PIP4K2A: variants seen among roughly 807,000 people sequenced by gnomAD.
The protein encoded by PIP4K2A is phosphatidylinositol 5-phosphate 4-kinase type-2 alpha.
A neutral mutation model predicts 42.9 loss-of-function variants in PIP4K2A; 14 were observed. The ratio of observed to expected loss-of-function variants is 0.33; its 90% CI spans 0.22 to 0.51. PIP4K2A has a LOEUF of 0.51. Ranked by LOEUF, PIP4K2A falls within the 20% of genes least tolerant of loss-of-function variation. The pLI, the probability that PIP4K2A is intolerant of heterozygous loss-of-function variation, is 0.97. For missense variants in PIP4K2A, 434 were observed against 519.8 expected, an observed-to-expected ratio of 0.83 and a Z score of 1.61; for synonymous variants, 192 against 192.2, an observed-to-expected ratio of 1.00 and a Z score of 0.01.
chr10:22,706,627 G>A (rs556829745), intron 1 of PIP4K2A, among the ~76,000 whole-genome samples: 6 of 152,300 alleles, frequency 3.9e-5, no homozygotes, highest in African/African-American at 1.2e-4. Context: ...TTGAGAGCAA[G>A]GTCCACAATA....
chr10:22,557,831 A>C (rs76659795), intron 6 of PIP4K2A, among the ~76,000 whole-genome samples: 3 of 152,216 alleles, frequency 2.0e-5, no homozygotes, highest in Non-Finnish European at 4.4e-5. Flanking sequence ...CCTAAAATGC[A>C]CAGAGCCAAA....
chr10:22,648,813 A>T (rs1271650979), intron 1 of PIP4K2A, among the ~76,000 whole-genome samples: 2 of 152,232 alleles, frequency 1.3e-5, no homozygotes, highest in Admixed American at 6.5e-5. Context: ...TCTTTAAGAG[A>T]TCAATTTGGC....
intron 4 of PIP4K2A, 121 bp downstream of exon 4, chr10:22,591,508 T>C (rs1223405829): frequency 1.3e-6 from 1 of 749,048 alleles, no homozygotes; most frequent in Non-Finnish European, 2.1e-6. Flanking sequence ...TTAGAGGAGA[T>C]GTTTATGTGA....
At chr10:22,611,555 C>G (rs1404741393) in intron 1 of PIP4K2A, among the ~76,000 whole-genome samples, 2 of 152,040 alleles carry the variant, frequency 1.3e-5, no homozygotes, top group East Asian at 1.9e-4. Flanking sequence ...AGAGAAAAGG[C>G]AAACACAACA....
At chr10:22,625,963 G>A (rs1218870406) in intron 1 of PIP4K2A, among the ~76,000 whole-genome samples, 1 of 152,020 alleles carries the variant, frequency 6.6e-6, no homozygotes, top group East Asian at 1.9e-4. Context: ...TCTGATAAAG[G>A]CCTGTGCTTA....
At chr10:22,707,207 T>C (rs760877131) in intron 1 of PIP4K2A, among the ~76,000 whole-genome samples, 1 of 152,212 alleles carries the variant, frequency 6.6e-6, no homozygotes, top group Non-Finnish European at 1.5e-5. Context: ...TATGAATTGA[T>C]TTAATCCATA....
At position 22,542,013 on chromosome 10, in the gene PIP4K2A, A is replaced by T. The variant is rs760942026; in HGVS notation, c.827T>A (p.Leu276Gln). Residue 276 changes from leucine to glutamine, a missense_variant, in exon 8 of 10, where the codon CTG becomes CAG. Leu to Gln is a moderately radical substitution (Grantham distance 113, BLOSUM62 -2). Coordinates refer to ENST00000376573, the MANE Select transcript of PIP4K2A (RefSeq NM_005028.5). ...LAQLKLMDYSLLVGIHDVERA... is the reference protein window; with the variant it reads ...LAQLKLMDYSQLVGIHDVERA... The stretch of plus-strand genomic sequence containing the variant: ...CTCCACATCATGAATTCCCACCAGC[A>T]GACTGTAGTCCATGAGCTTCAGCTG... 6.2e-7 allele frequency: 1 copy of T among 1,613,228 alleles called. No homozygotes were observed. Among genetic ancestry groups the T allele is most frequent in the Non-Finnish European group, 8.5e-7 (1 of 1,179,498 alleles).
At chr10:22,687,327 G>A (rs1379748997) in intron 1 of PIP4K2A, among the ~76,000 whole-genome samples, 1 of 152,082 alleles carries the variant, frequency 6.6e-6, no homozygotes, top group African/African-American at 2.4e-5. Context: ...AAAAGGTCAG[G>A]TATGCATTTA....
intron 8 of PIP4K2A, among the ~76,000 whole-genome samples, chr10:22,541,058 T>G (rs1836096408): frequency 6.6e-6 from 1 of 152,254 alleles, no homozygotes; most frequent in Admixed American, 6.5e-5. Context: ...AAGCTGTTTT[T>G]ATCCTATCAC....
intron 1 of PIP4K2A, among the ~76,000 whole-genome samples, chr10:22,651,458 C>A (rs183117325): frequency 1.3e-5 from 2 of 152,298 alleles, no homozygotes; most frequent in Non-Finnish European, 2.9e-5. Context: ...TCTGTTCTCC[C>A]AGCGAGCCTG....
chr10:22,714,199 C>A lies in PIP4K2A; in HGVS notation c.128G>T (p.Trp43Leu), dbSNP rs184663145. Reference protein sequence around the residue: ...ASDPLLSVLMWGVNHSINELS... With the variant: ...ASDPLLSVLMLGVNHSINELS... ...AGCCCTTACCGAGTGGTTTACCCCC[C>A]ACATGAGGACGCTGAGCAGCGGGTC... The change falls in exon 1 of 10, where the codon TGG (tryptophan) becomes TTG (leucine). Residue 43 changes from tryptophan (W) to leucine (L), a missense_variant. By Grantham distance (61) the Trp-to-Leu change is moderately conservative. Around this residue, in one of 2 missense-constraint regions of PIP4K2A, gnomAD observed 395 missense variants for 444.5 expected, o/e 0.89. Transcript: ENST00000376573. 2.0e-5 allele frequency: 32 copies of A among 1,610,560 alleles called. No homozygotes were observed. The highest frequency in any genetic ancestry group is 6.7e-5 in the Admixed American group (4 of 59,762).
chr10:22,644,135 C>A (rs1028759987), intron 1 of PIP4K2A, among the ~76,000 whole-genome samples: 10 of 152,158 alleles, frequency 6.6e-5, no homozygotes, highest in Non-Finnish European at 1.3e-4. Context: ...CTCCTGCTCA[C>A]CCCTCCCTCT....
At chr10:22,682,991 G>C (rs1415018965) in intron 1 of PIP4K2A, among the ~76,000 whole-genome samples, 1 of 151,972 alleles carries the variant, frequency 6.6e-6, no homozygotes, top group Non-Finnish European at 1.5e-5. Flanking sequence ...CAACAAGACT[G>C]ATCTTTCAGA....
chr10:22,660,851 T>G (rs1300307143), intron 1 of PIP4K2A, among the ~76,000 whole-genome samples: 5 of 150,400 alleles, frequency 3.3e-5, no homozygotes, highest in Admixed American at 6.6e-5. Context: ...ACTACAATGG[T>G]GGATACCTGT....
At chr10:22,568,940 T>C in intron 5 of PIP4K2A, 1 of 1,229,360 alleles carries the variant, frequency 8.1e-7, no homozygotes, top group Non-Finnish European at 1.2e-6. Flanking sequence ...AGCCACTTGC[T>C]TCTTTACCAC....
chr10:22,602,394 TA>T (rs71395805), intron 3 of PIP4K2A, among the ~76,000 whole-genome samples: 12,877 of 101,152 alleles, frequency 0.13, 1,529 homozygotes, highest in African/African-American at 0.34. Flanking sequence ...ACTCTGTCTA[TA>T]AAAAAAAAAA....
At chr10:22,582,891 T>A (rs1421994306) in intron 4 of PIP4K2A, among the ~76,000 whole-genome samples, 56 of 118,604 alleles carry the variant, frequency 4.7e-4, no homozygotes, top group African/African-American at 8.7e-4. Flanking sequence ...CGTCTTGAAG[T>A]AAAAAAAAAA....
At chr10:22,546,003 G>C (rs1164910024) in intron 7 of PIP4K2A, among the ~76,000 whole-genome samples, 1 of 152,174 alleles carries the variant, frequency 6.6e-6, no homozygotes, top group Non-Finnish European at 1.5e-5. Flanking sequence ...TCAAGTCTCT[G>C]AGACTGAGGT....
intron 4 of PIP4K2A, among the ~76,000 whole-genome samples, chr10:22,588,472 G>T (rs557182004): frequency 6.6e-6 from 1 of 152,258 alleles, no homozygotes; most frequent in Non-Finnish European, 1.5e-5. Flanking sequence ...AAGCATGCTG[G>T]TCATCTTGGC....
Sources: allele counts gnomAD v4.1 joint callset (sites outside exome capture counted in the v4.1 genomes callset), GRCh38; gene constraint gnomAD v4.1.1; regional missense constraint gnomAD v4.1.1; transcripts MANE v1.5; gene names NCBI Gene and HGNC (gene_info 2026-07-23, HGNC 2026-07-21).